CHEK2: variants seen among roughly 807,000 people sequenced by gnomAD.
CHEK2 encodes serine/threonine-protein kinase Chk2.
CHEK2 carries 71 observed loss-of-function variants against 69.1 expected under a neutral mutation model. The ratio of observed to expected loss-of-function variants is 1.03; its 90% CI spans 0.85 to 1.25. The LOEUF is 1.25. CHEK2 is among the 50% of genes most tolerant of loss of function. The pLI is 0.00. For synonymous variants in CHEK2, 189 were observed against 226.9 expected, an observed-to-expected ratio of 0.83 and a Z score of 1.50; for missense variants, 664 against 649.6, an observed-to-expected ratio of 1.02 and a Z score of -0.24.
rs876659635 is a variant in CHEK2, at chr22:28,695,871, A to C, written c.1098T>G (p.Ile366Met). 5 of 1,610,420 alleles carry C rather than the reference A, an allele frequency of 3.1e-6. No homozygotes were observed. Among genetic ancestry groups the C allele is most frequent in the Non-Finnish European group, 1.7e-6 (2 of 1,176,728 alleles). The change falls in exon 11 of 15, where the codon ATT (isoleucine) becomes ATG (methionine). Residue 366 changes from isoleucine to methionine, a missense_variant and splice_region_variant. Transcript: ENST00000404276. ...AAATCTTGGAGTGCCCAAAATCAGT[A>C]ATCTAAAATTCAGTACAAAAGGGAA... ...SSQEEDCLIK[I>M]TDFGHSKILG...
chr22:28,730,934 T>C (rs570846868), intron 2 of CHEK2, among the ~76,000 whole-genome samples: 40 of 152,200 alleles, frequency 2.6e-4, no homozygotes, highest in Non-Finnish European at 5.1e-4. Context: ...CCAGGCACTG[T>C]GGCTTATGCC....
At chr22:28,723,286 C>G (rs1039592466) in intron 4 of CHEK2, among the ~76,000 whole-genome samples, 1 of 152,144 alleles carries the variant, frequency 6.6e-6, no homozygotes, top group African/African-American at 2.4e-5. Context: ...CACTCACAGC[C>G]TAGTACCTGG....
intron 2 of CHEK2, 52 bp downstream of exon 2, chr22:28,734,351 C>G (rs2146142251): frequency 1.3e-6 from 2 of 1,570,986 alleles, no homozygotes; most frequent in Non-Finnish European, 1.7e-6. Flanking sequence ...ATACAACTTT[C>G]TGTAAGTGTT....
chr22:28,731,020 G>C (rs539741667), intron 2 of CHEK2, among the ~76,000 whole-genome samples: 1 of 152,172 alleles, frequency 6.6e-6, no homozygotes, highest in Admixed American at 6.6e-5. Flanking sequence ...ACTGCAACAT[G>C]ATGAAACCCC....
At chr22:28,741,519 T>C (rs540872955) in intron 1 of CHEK2, among the ~76,000 whole-genome samples, 2 of 152,260 alleles carry the variant, frequency 1.3e-5, no homozygotes, top group South Asian at 4.1e-4. Flanking sequence ...GTCACTTCGC[T>C]CTGATATTGA....
At chr22:28,690,203 A>G (rs981269198) in intron 13 of CHEK2, among the ~76,000 whole-genome samples, 1 of 150,070 alleles carries the variant, frequency 6.7e-6, no homozygotes, top group Non-Finnish European at 1.5e-5. Context: ...GAAATTTTAC[A>G]ACACTAGGTT....
rs587783051 is a variant in CHEK2, at chr22:28,699,930, C to A, written c.916G>T (p.Gly306Trp). 3.1e-6 allele frequency: 5 copies of A among 1,613,272 alleles called. No homozygotes were observed. The highest frequency in any genetic ancestry group is 4.2e-6 in the Non-Finnish European group (5 of 1,179,394). ...DYYIVLELME[G>W]GELFDKVVGN... Reference sequence around the variant, plus strand: ...ACCACTTTGTCAAACAGCTCTCCCCCTTCCATCCTGAAACACAAAGGCAAG... The same window carrying A: ...ACCACTTTGTCAAACAGCTCTCCCCATTCCATCCTGAAACACAAAGGCAAG... The change falls in exon 9 of 15, where the codon GGG becomes TGG. Residue 306 changes from glycine (G) to tryptophan (W), a missense_variant. Gly to Trp is a radical substitution (Grantham distance 184). Coordinates refer to ENST00000404276, the MANE Select transcript of CHEK2 (RefSeq NM_007194.4).
At chr22:28,721,488 C>T (rs1345736732) in intron 4 of CHEK2, 2 of 346,830 alleles carry the variant, frequency 5.8e-6, no homozygotes, top group East Asian at 7.7e-5. Context: ...AGTTTCACCA[C>T]GTTGACCAGG....
chr22:28,702,595 G>A (rs1158823847), intron 8 of CHEK2, among the ~76,000 whole-genome samples: 1 of 146,368 alleles, frequency 6.8e-6, no homozygotes, highest in Non-Finnish European at 1.5e-5. Context: ...GGCCCAGGCT[G>A]GAGTACAGTG....
intron 7 of CHEK2, among the ~76,000 whole-genome samples, chr22:28,704,817 A>G (rs1323246983): frequency 2.0e-5 from 3 of 152,128 alleles, no homozygotes; most frequent in Non-Finnish European, 4.4e-5. Context: ...GAGTGGTAAA[A>G]CTTGCCAGAT....
In CHEK2 at chr22:28,725,264, C is replaced by A; in HGVS notation, c.423G>T (p.Lys141Asn). 1 of 1,614,102 alleles carries A rather than the reference C, an allele frequency of 6.2e-7. No homozygotes were observed. The highest frequency in any genetic ancestry group is 2.2e-5 in the East Asian group (1 of 44,856). Residue 141 changes from lysine (K) to asparagine (N), a missense_variant, in exon 3 of 15, where the codon AAG (lysine) becomes AAT (asparagine). Physicochemically the swap from Lys to Asn is moderately conservative, Grantham distance 94. Coordinates refer to ENST00000404276, the MANE Select transcript of CHEK2 (RefSeq NM_007194.4). ...KRTDKYRTYS[K>N]KHFRIFREVG... ...CTACCCTGAAAATCCGAAAGTGTTT[C>A]TTGCTGTATGTTCGGTATTTATCTG...
intron 13 of CHEK2, among the ~76,000 whole-genome samples, chr22:28,691,994 C>T (rs926816370): frequency 1.3e-5 from 2 of 152,220 alleles, no homozygotes; most frequent in Non-Finnish European, 2.9e-5. Context: ...TCATTCAATG[C>T]TCATTCCTCC....
rs183003833 is a variant in CHEK2, at chr22:28,702,331, T to C, written c.908+1174A>G. 5.1e-3 allele frequency among the ~76,000 whole-genome samples: 765 copies of C among 150,322 alleles called. 1 individual carries two copies. The highest frequency in any genetic ancestry group is 7.0e-3 in the Non-Finnish European group (475 of 67,600). On this transcript the variant is annotated intron_variant, in intron 8 of 14. Transcript: ENST00000404276. Reference sequence around the variant, plus strand: ...TCAGCTCATTGCAAGCTCCGCCTCCTGGGTTCACGCCATTCTCCTGCCTCA... The same window carrying C: ...TCAGCTCATTGCAAGCTCCGCCTCCCGGGTTCACGCCATTCTCCTGCCTCA...
chr22:28,719,958 T>A (rs1394392045), intron 4 of CHEK2, among the ~76,000 whole-genome samples: 1 of 152,250 alleles, frequency 6.6e-6, no homozygotes, highest in African/African-American at 2.4e-5. Flanking sequence ...CAGCCATTTA[T>A]ACCTTTATAT....
chr22:28,709,762 A>C (rs2053314488), intron 7 of CHEK2, among the ~76,000 whole-genome samples: 1 of 152,096 alleles, frequency 6.6e-6, no homozygotes, highest in Admixed American at 6.6e-5. Context: ...GATTACAGGC[A>C]TGTGCCACCA....
intron 4 of CHEK2, among the ~76,000 whole-genome samples, chr22:28,720,092 ATTTT>A (rs66862903): frequency 2.2e-5 from 3 of 134,470 alleles, no homozygotes; most frequent in Non-Finnish European, 4.6e-5. Flanking sequence ...AAAAAAAGTA[ATTTT>A]TTTTTTTTTT....
intron 9 of CHEK2, 58 bp downstream of exon 9, chr22:28,699,780 A>G (rs2145840148): frequency 8.7e-7 from 1 of 1,145,944 alleles, no homozygotes; most frequent in Non-Finnish European, 1.3e-6. Flanking sequence ...TGCCTAATTC[A>G]GGGAGTAATT....
At chr22:28,727,073 G>A (rs1256156431) in intron 2 of CHEK2, among the ~76,000 whole-genome samples, 6 of 152,080 alleles carry the variant, frequency 3.9e-5, no homozygotes, top group Middle Eastern at 3.4e-3. Flanking sequence ...ATGGAGTCTC[G>A]CTCTGTCGCC....
At chr22:28,721,872 A>C (rs777161868) in intron 4 of CHEK2, among the ~76,000 whole-genome samples, 3 of 152,044 alleles carry the variant, frequency 2.0e-5, no homozygotes, top group Non-Finnish European at 4.4e-5. Context: ...CTGGGACTAC[A>C]GGAACACAGC....
Sources: gnomAD v4.1 joint callset for allele counts (sites outside exome capture counted in the v4.1 genomes callset) on GRCh38, gnomAD v4.1.1 for gene constraint, MANE v1.5 for transcripts, NCBI Gene and HGNC (gene_info 2026-07-23, HGNC 2026-07-21) for gene names.